Variants in SLC44A5 observed in about 807,000 individuals in gnomAD.
SLC44A5 encodes choline transporter-like protein 5.
Under a neutral mutation model 101.8 loss-of-function variants are expected in SLC44A5, and 57 were observed. The observed-to-expected ratio is 0.56, with a 90% CI of 0.45 to 0.70. The LOEUF is 0.70. Among genes scored for constraint, SLC44A5 ranks in the 30% least tolerant of loss-of-function variants. The pLI is 0.00. For synonymous variants in SLC44A5, 281 were observed against 290.9 expected (o/e 0.97, Z 0.35); for missense variants, 737 against 853.1 (o/e 0.86, Z 1.70).
chr1:75,407,235 C>A (rs918645196), intron 2 of SLC44A5, among the ~76,000 whole-genome samples: 3 of 152,104 alleles, frequency 2.0e-5, no homozygotes, highest in African/African-American at 7.2e-5. Flanking sequence ...GAAGAACATT[C>A]CATGCTCATG....
At chr1:75,640,849 C>T in the SLC44A5 span, among the ~76,000 whole-genome samples, 2,397 of 152,060 alleles carry the variant, frequency 0.016, 78 homozygotes, top group African/African-American at 0.053. Context: ...GGCTTCATGG[C>T]CTTCTGAGGA....
At chr1:75,682,767 A>T in the SLC44A5 span, among the ~76,000 whole-genome samples, 1 of 151,960 alleles carries the variant, frequency 6.6e-6, no homozygotes, top group African/African-American at 2.4e-5. Flanking sequence ...GATCTAATTA[A>T]ACTAAAGAGC....
intron 2 of SLC44A5, among the ~76,000 whole-genome samples, chr1:75,500,184 C>T (rs560079024): frequency 2.6e-4 from 40 of 152,218 alleles, no homozygotes; most frequent in Non-Finnish European, 4.9e-4. Flanking sequence ...CTATGTTAAA[C>T]CATGGCAATT....
At chr1:75,450,007 A>G (rs978894400) in intron 2 of SLC44A5, among the ~76,000 whole-genome samples, 6 of 152,192 alleles carry the variant, frequency 3.9e-5, no homozygotes, top group African/African-American at 1.4e-4. Context: ...CTCAAAAAAA[A>G]AAATTAATCG....
the SLC44A5 span, among the ~76,000 whole-genome samples, chr1:75,719,879 G>A: frequency 6.6e-6 from 1 of 152,104 alleles, no homozygotes; most frequent in Non-Finnish European, 1.5e-5. Flanking sequence ...GGATTTCAAA[G>A]GCTCTGGGAC....
intron 2 of SLC44A5, among the ~76,000 whole-genome samples, chr1:75,467,340 T>C (rs567506801): frequency 6.6e-6 from 1 of 152,250 alleles, no homozygotes; most frequent in African/African-American, 2.4e-5. Flanking sequence ...TCCTAAAATT[T>C]ATATGGAACC....
chr1:75,459,699 G>T (rs1666390785), intron 2 of SLC44A5, among the ~76,000 whole-genome samples: 1 of 152,158 alleles, frequency 6.6e-6, no homozygotes, highest in Non-Finnish European at 1.5e-5. Context: ...CATCTTATCA[G>T]CACACAATTA....
At chr1:75,405,575 T>A (rs1339174544) in intron 2 of SLC44A5, among the ~76,000 whole-genome samples, 1 of 152,046 alleles carries the variant, frequency 6.6e-6, no homozygotes, top group Non-Finnish European at 1.5e-5. Context: ...TACAACTACA[T>A]GAAAACTGAA....
At chr1:75,618,291 A>C in the SLC44A5 span, among the ~76,000 whole-genome samples, 1 of 152,214 alleles carries the variant, frequency 6.6e-6, no homozygotes, top group African/African-American at 2.4e-5. Context: ...CATTATCTCA[A>C]TTAAGGTCAT....
intron 3 of SLC44A5, among the ~76,000 whole-genome samples, chr1:75,345,400 A>C (rs967164843): frequency 5.3e-5 from 8 of 152,128 alleles, no homozygotes; most frequent in African/African-American, 1.7e-4. Flanking sequence ...TTTCATCCAT[A>C]AAATGATAGA....
the SLC44A5 span, among the ~76,000 whole-genome samples, chr1:75,655,890 T>C: frequency 6.6e-6 from 1 of 152,032 alleles, no homozygotes; most frequent in Admixed American, 6.6e-5. Flanking sequence ...AAGATATAAA[T>C]ATCCAGGTAT....
chr1:75,318,415 GAAAGAA>G (rs1655877357), intron 4 of SLC44A5, among the ~76,000 whole-genome samples: 1 of 146,902 alleles, frequency 6.8e-6, no homozygotes, highest in South Asian at 2.1e-4. Flanking sequence ...AAGAAAGAAA[GAAAGAA>G]AGAAAGAAAG....
chr1:75,619,363 G>C, the SLC44A5 span, among the ~76,000 whole-genome samples: 1 of 152,118 alleles, frequency 6.6e-6, no homozygotes, highest in African/African-American at 2.4e-5. Flanking sequence ...TCATTATGCA[G>C]TGCGTTGCTG....
At chr1:75,706,264 T>C in the SLC44A5 span, among the ~76,000 whole-genome samples, 124 of 152,310 alleles carry the variant, frequency 8.1e-4, 2 homozygotes, top group African/African-American at 2.9e-3. Flanking sequence ...CTGGAGTTCA[T>C]TTCTAAGTTT....
intron 2 of SLC44A5, among the ~76,000 whole-genome samples, chr1:75,399,131 A>G (rs541759980): frequency 1.3e-5 from 2 of 152,082 alleles, no homozygotes; most frequent in South Asian, 4.1e-4. Flanking sequence ...AGTGGAACGC[A>G]TTGATGTGAG....
At chr1:75,368,198 A>G (rs1659986551) in intron 3 of SLC44A5, among the ~76,000 whole-genome samples, 1 of 152,204 alleles carries the variant, frequency 6.6e-6, no homozygotes, top group Non-Finnish European at 1.5e-5. Context: ...TAAATATCAC[A>G]TTTTACAAGA....
intron 2 of SLC44A5, among the ~76,000 whole-genome samples, chr1:75,403,985 C>T (rs1020068729): frequency 7.2e-5 from 11 of 152,064 alleles, no homozygotes; most frequent in South Asian, 2.1e-4. Flanking sequence ...CTAGAATAAC[C>T]GCTTTAGGGA....
intron 3 of SLC44A5, among the ~76,000 whole-genome samples, chr1:75,389,935 GA>G (rs1295047923): frequency 6.6e-6 from 1 of 151,720 alleles, no homozygotes; most frequent in African/African-American, 2.4e-5. Context: ...GATTAAAAAA[GA>G]AAAAAAGAGA....
At chr1:75,514,428 C>A (rs1181384364) in intron 2 of SLC44A5, among the ~76,000 whole-genome samples, 1 of 152,174 alleles carries the variant, frequency 6.6e-6, no homozygotes, top group Non-Finnish European at 1.5e-5. Flanking sequence ...TACTCAGATA[C>A]TCTACAGGCC....
Sources: allele counts gnomAD v4.1 joint callset (sites outside exome capture counted in the v4.1 genomes callset), GRCh38; gene constraint gnomAD v4.1.1; transcripts MANE v1.5; gene names NCBI Gene and HGNC (gene_info 2026-07-23, HGNC 2026-07-21).